The following PLCB1 variants were observed in gnomAD, a reference collection of about 807,000 sequenced individuals.
PLCB1 encodes phospholipase C beta 1.
Under a neutral mutation model 161.8 loss-of-function variants are expected in PLCB1, and 46 were observed. The ratio of observed to expected loss-of-function variants is 0.28; its 90% CI spans 0.22 to 0.36. The LOEUF (loss-of-function observed/expected upper bound fraction) is 0.36, where lower values mean the gene tolerates loss of function less well. Ranked by LOEUF, PLCB1 falls within the 10% of genes least tolerant of loss-of-function variation. PLCB1 has a pLI of 1.00. For missense variants in PLCB1, 1,016 were observed against 1,472.5 expected, an observed-to-expected ratio of 0.69 and a Z score of 5.07; for synonymous variants, 517 against 503.7, an observed-to-expected ratio of 1.03 and a Z score of -0.35.
Position 8,600,384 on chromosome 20 carries a change from T to TG in PLCB1, c.247-27904dup, listed in dbSNP as rs1351463493. Among the ~76,000 whole-genome samples the TG allele has an allele frequency of 2.1e-4, 26 of 125,492 alleles. 1 individual carries two copies. The South Asian group carries it at 4.0e-3, about 19-fold the overall frequency. The allele number at this position is 125,492 out of a possible 152,430, so 82.3% of individuals were successfully genotyped here. On this transcript the variant is annotated intron_variant, in intron 3 of 31. Transcript: ENST00000338037. ...GTGTGAGGTGTCAGTGTGCCCCTGC[T>TG]GGGGGGTGCCTCCCAGTTAGGCTGC...
chr20:8,828,371 G>A (rs1236496710), intron 31 of PLCB1, among the ~76,000 whole-genome samples: 3 of 152,166 alleles, frequency 2.0e-5, no homozygotes, highest in African/African-American at 7.2e-5. Context: ...AGGAAATTCA[G>A]TTAGTCTCTT....
intron 2 of PLCB1, among the ~76,000 whole-genome samples, chr20:8,353,424 ATT>A (rs1444219851): frequency 1.3e-5 from 2 of 152,228 alleles, no homozygotes. Context: ...TAAGTGTGGG[ATT>A]CACATAGCAA....
At chr20:8,489,007 A>AT (rs1212574538) in intron 3 of PLCB1, among the ~76,000 whole-genome samples, 1 of 152,182 alleles carries the variant, frequency 6.6e-6, no homozygotes, top group African/African-American at 2.4e-5. Context: ...ATTAGGAAAC[A>AT]TTTTTTCTAA....
intron 2 of PLCB1, among the ~76,000 whole-genome samples, chr20:8,289,313 C>T (rs1348396986): frequency 6.6e-6 from 1 of 152,118 alleles, no homozygotes; most frequent in Non-Finnish European, 1.5e-5. Flanking sequence ...ACACAAGTCC[C>T]CTGTGGATCT....
At chr20:8,521,955 A>G (rs548722537) in intron 3 of PLCB1, among the ~76,000 whole-genome samples, 196 of 152,330 alleles carry the variant, frequency 1.3e-3, no homozygotes, top group Middle Eastern at 3.4e-3. Context: ...TTTCCATTGT[A>G]GCAAATGTGA....
At chr20:8,249,224 A>G (rs1423281005) in intron 2 of PLCB1, among the ~76,000 whole-genome samples, 1 of 151,964 alleles carries the variant, frequency 6.6e-6, no homozygotes, top group Non-Finnish European at 1.5e-5. Flanking sequence ...TAAATAGAAG[A>G]TTTCCAAAAC....
chr20:8,382,982 T>C (rs1987307236), intron 3 of PLCB1, among the ~76,000 whole-genome samples: 1 of 152,230 alleles, frequency 6.6e-6, no homozygotes, highest in South Asian at 2.1e-4. Flanking sequence ...GTAAATGCCA[T>C]GTGATACTGA....
intron 2 of PLCB1, among the ~76,000 whole-genome samples, chr20:8,271,312 G>C (rs1320744546): frequency 6.6e-6 from 1 of 152,096 alleles, no homozygotes; most frequent in South Asian, 2.1e-4. Context: ...GCATTCAATA[G>C]TAGGTTATAT....
chr20:8,558,196 T>G (rs1246523232), intron 3 of PLCB1, among the ~76,000 whole-genome samples: 7 of 152,078 alleles, frequency 4.6e-5, no homozygotes. Flanking sequence ...AGCCAAAGGA[T>G]AAATTATTGA....
chr20:8,349,287 A>G (rs1986102202), intron 2 of PLCB1, among the ~76,000 whole-genome samples: 1 of 152,164 alleles, frequency 6.6e-6, no homozygotes, highest in African/African-American at 2.4e-5. Flanking sequence ...CAATGAATGT[A>G]TTGTCAGTAA....
chr20:8,461,239 T>C (rs1001395738), intron 3 of PLCB1, among the ~76,000 whole-genome samples: 2 of 152,152 alleles, frequency 1.3e-5, no homozygotes, highest in Non-Finnish European at 2.9e-5. Context: ...AAGAATATTA[T>C]GTATGCATAG....
chr20:8,408,805 A>G lies in PLCB1; in HGVS notation c.246+37355A>G, dbSNP rs187178194. On this transcript the variant is annotated intron_variant, in intron 3 of 31. Transcript: ENST00000338037. ...TCTGAAACAAATTACTTCATCTCAC[A>G]TTCGGCAGCCTTTCTGCCCACGCCA... Among the ~76,000 whole-genome samples, 84 of 152,294 alleles carry G rather than the reference A, an allele frequency of 5.5e-4. 1 individual carries two copies. The highest frequency in any genetic ancestry group is 1.9e-3 in the Admixed American group (29 of 15,292).
At chr20:8,438,245 C>A (rs1980396512) in intron 3 of PLCB1, among the ~76,000 whole-genome samples, 1 of 152,080 alleles carries the variant, frequency 6.6e-6, no homozygotes, top group Non-Finnish European at 1.5e-5. Flanking sequence ...ATTTTGGCAA[C>A]CTACTTCACA....
chr20:8,221,243 T>G (rs1297152881), intron 2 of PLCB1, among the ~76,000 whole-genome samples: 2 of 152,082 alleles, frequency 1.3e-5, no homozygotes, highest in Non-Finnish European at 2.9e-5. Flanking sequence ...AAAAGAAAGG[T>G]GACGGTTTTC....
At chr20:8,775,510 G>A (rs1162998976) in intron 27 of PLCB1, among the ~76,000 whole-genome samples, 1 of 152,158 alleles carries the variant, frequency 6.6e-6, no homozygotes, top group African/African-American at 2.4e-5. Flanking sequence ...CTGAGGGTCT[G>A]TGCATATAAG....
At chr20:8,704,772 G>A (rs540363071) in intron 11 of PLCB1, among the ~76,000 whole-genome samples, 51 of 152,244 alleles carry the variant, frequency 3.3e-4, no homozygotes, top group African/African-American at 1.2e-3. Flanking sequence ...ACTGGCTTAT[G>A]TGGTTATGGA....
chr20:8,263,772 T>C (rs1981823053), intron 2 of PLCB1, among the ~76,000 whole-genome samples: 1 of 152,212 alleles, frequency 6.6e-6, no homozygotes, highest in South Asian at 2.1e-4. Context: ...ATATAAAAGA[T>C]AAAAGAACAA....
chr20:8,619,879 A>G (rs1988131008), intron 3 of PLCB1, among the ~76,000 whole-genome samples: 1 of 152,224 alleles, frequency 6.6e-6, no homozygotes. Context: ...GACAAATCTC[A>G]AAGTAAGTAA....
chr20:8,855,564 T>C (rs1360496094), intron 31 of PLCB1, among the ~76,000 whole-genome samples: 1 of 152,156 alleles, frequency 6.6e-6, no homozygotes, highest in Non-Finnish European at 1.5e-5. Context: ...GCAAGTTTAA[T>C]AGGAAAGTTT....
Sources: allele counts gnomAD v4.1 joint callset (sites outside exome capture counted in the v4.1 genomes callset), GRCh38; gene constraint gnomAD v4.1.1; transcripts MANE v1.5; gene names NCBI Gene and HGNC (gene_info 2026-07-23, HGNC 2026-07-21).